Variants in PRDM6 observed in about 807,000 individuals in gnomAD.
PRDM6 encodes the protein putative histone-lysine N-methyltransferase PRDM6.
A neutral mutation model predicts 60.8 loss-of-function variants in PRDM6; 25 were observed. The observed-to-expected ratio is 0.41, with a 90% confidence interval of 0.30 to 0.57. PRDM6 has a LOEUF of 0.57. Among genes scored for constraint, PRDM6 ranks in the 20% least tolerant of loss-of-function variants. PRDM6 has a pLI of 0.27. For synonymous variants in PRDM6, 407 were observed against 357.4 expected, an observed-to-expected ratio of 1.14 and a Z score of -1.57; for missense variants, 839 against 821.3, an observed-to-expected ratio of 1.02 and a Z score of -0.26.
chr5:123,094,268 C>T (rs1763909415), intron 2 of PRDM6, among the ~76,000 whole-genome samples: 1 of 152,226 alleles, frequency 6.6e-6, no homozygotes, highest in African/African-American at 2.4e-5. Flanking sequence ...GTTTGGGCAA[C>T]TTCGAGCCCA....
intron 5 of PRDM6, among the ~76,000 whole-genome samples, chr5:123,164,295 G>C (rs557210571): frequency 8.5e-5 from 13 of 152,332 alleles, no homozygotes; most frequent in African/African-American, 3.1e-4. Context: ...CAGGCCTCTT[G>C]TGTACAGTGC....
rs1209852710 is a variant in PRDM6 at position 123,099,934 on chromosome 5, C to G, written c.873C>G (p.Ala291=). The change falls in exon 3 of 8, where the codon GCC becomes GCG. Residue 291 remains alanine, a synonymous_variant. Coordinates refer to ENST00000407847, the MANE Select transcript of PRDM6 (RefSeq NM_001136239.4). This position sits in a 1 kb window ranked among gnomAD's most constrained non-coding sequence, Gnocchi z 4.0. ...CCCCAGAGAAGGTGCAGGCAGGCGCCGTGAGGAACACGCAGCATCTCTGGG... is the reference window on the plus strand; with the variant it reads ...CCCCAGAGAAGGTGCAGGCAGGCGCGGTGAGGAACACGCAGCATCTCTGGG... ...LLPPEKVQAG[A]VRNTQHLWEI... is the part of the protein sequence containing the mutation. 1 of 1,532,658 alleles carries G rather than the reference C, an allele frequency of 6.5e-7. No homozygotes were observed. The allele number at this position is 1,532,658 out of a possible 1,614,324, so 94.9% of individuals were successfully genotyped here.
At position 123,090,250 on chromosome 5, in the gene PRDM6, C is replaced by T. The variant is rs1580468945; in HGVS notation, c.236C>T (p.Ala79Val). The T allele has an allele frequency of 1.3e-6, 2 of 1,487,286 alleles. No individual in the cohort carries two copies. Among genetic ancestry groups the T allele is most frequent in the Non-Finnish European group, 1.8e-6 (2 of 1,118,878 alleles). 92.1% of individuals were successfully genotyped at this position (1,487,286 alleles called of 1,614,324 possible). The part of the protein sequence containing the change: ...LRPRPASLSS[A>V]SSTPASSSTS... ...CCGCGGCCCGCCTCTCTCTCCTCCG[C>T]CTCGTCCACGCCGGCTTCCTCTTCC... Residue 79 changes from alanine (A) to valine (V), a missense_variant, in exon 2 of 8, where the codon GCC (alanine) becomes GTC (valine). Physicochemically the swap from Ala to Val is moderately conservative, Grantham distance 64. Coordinates refer to ENST00000407847, the MANE Select transcript of PRDM6 (RefSeq NM_001136239.4).
At position 123,193,938 on chromosome 5, in the gene PRDM6, A is replaced by T. The variant is rs919040173; in HGVS notation, c.*6737A>T. The T allele has an allele frequency of 1.1e-4, 16 of 152,198 alleles. No homozygotes were observed. The highest frequency in any genetic ancestry group is 3.6e-4 in the African/African-American group (15 of 41,452). The allele number at this position is 152,198 out of a possible 1,614,324, so 9.4% of individuals were successfully genotyped here. On this transcript the variant is annotated 3_prime_UTR_variant, in exon 8 of 8. Coordinates refer to ENST00000407847, the MANE Select transcript of PRDM6 (RefSeq NM_001136239.4). The stretch of plus-strand genomic sequence containing the variant: ...GCCTTTTGGAGTTTGGAAAGCTTAA[A>T]CAAGTCAGTTAAGAGAATGAGAAGA...
rs761942683 is a variant in PRDM6 at position 123,180,309 on chromosome 5, A to T, written c.1659A>T (p.Gly553=). 5.8e-6 allele frequency: 9 copies of T among 1,550,696 alleles called. No homozygotes were observed. In the South Asian group the frequency reaches 1.1e-4, roughly 18 times the overall value. The change falls in exon 7 of 8, where the codon GGA becomes GGT. Residue 553 remains glycine (G), a synonymous_variant. Coordinates refer to ENST00000407847, the MANE Select transcript of PRDM6 (RefSeq NM_001136239.4). ...TLNNHIRTHT[G]EKPFKCERCE... ...ACAACCACATCCGAACCCACACTGG[A>T]GAAAAGCCCTTCAAGTAAGTAGTGG...
intron 7 of PRDM6, among the ~76,000 whole-genome samples, chr5:123,184,807 A>C (rs534463431): frequency 3.0e-4 from 46 of 152,294 alleles, no homozygotes; most frequent in African/African-American, 1.0e-3. Context: ...TACTTCCTCA[A>C]ATATATAAAT....
At chr5:123,168,576 TG>T in intron 5 of PRDM6, among the ~76,000 whole-genome samples, 1 of 152,334 alleles carries the variant, frequency 6.6e-6, no homozygotes, top group Non-Finnish European at 1.5e-5. Flanking sequence ...TAGAAGCAGT[TG>T]GGAAACTTTA....
rs934463797 is a variant in PRDM6, at chr5:123,159,706, CT to C, written c.1153+75del. 5 of 1,469,796 alleles carry C rather than the reference CT, an allele frequency of 3.4e-6. No homozygotes were observed. In the Admixed American group the frequency reaches 6.2e-5, roughly 18 times the overall value. The allele number at this position is 1,469,796 out of a possible 1,614,324, so 91.0% of individuals were successfully genotyped here. On this transcript the variant is annotated intron_variant, in intron 5 of 7. Coordinates refer to ENST00000407847, the MANE Select transcript of PRDM6 (RefSeq NM_001136239.4). ...TATTTCAAAGCTAACTTTTTAAGAGCTTTTTTTGAAACTCATGAAACGTGGT... is the reference window on the plus strand; with the variant it reads ...TATTTCAAAGCTAACTTTTTAAGAGCTTTTTTGAAACTCATGAAACGTGGT...
intron 6 of PRDM6, among the ~76,000 whole-genome samples, chr5:123,173,134 T>C (rs1765932294): frequency 6.7e-6 from 1 of 149,606 alleles, no homozygotes; most frequent in East Asian, 2.0e-4. Flanking sequence ...GAGCTTGCAG[T>C]GAGCCGAGAT....
intron 3 of PRDM6, among the ~76,000 whole-genome samples, chr5:123,154,234 G>A (rs910253870): frequency 5.3e-5 from 8 of 152,168 alleles, no homozygotes; most frequent in Non-Finnish European, 7.3e-5. Context: ...TCATTAGATT[G>A]TTCATGTAGC....
intron 3 of PRDM6, among the ~76,000 whole-genome samples, chr5:123,147,339 T>C (rs1765268232): frequency 6.6e-6 from 1 of 151,258 alleles, no homozygotes; most frequent in Admixed American, 6.6e-5. Flanking sequence ...CATGCAAATA[T>C]TTCCAAGGTT....
chr5:123,185,682 GGT>G (rs1766271831), intron 7 of PRDM6, among the ~76,000 whole-genome samples: 1 of 152,208 alleles, frequency 6.6e-6, no homozygotes, highest in African/African-American at 2.4e-5. Flanking sequence ...ACACTCCGCT[GGT>G]GCAGGAGCCC....
Position 123,189,069 on chromosome 5 carries a change from A to C in PRDM6, c.*1868A>C, listed in dbSNP as rs1003456621. The C allele has an allele frequency of 1.3e-5, 2 of 152,172 alleles. No homozygotes were observed. Among genetic ancestry groups the C allele is most frequent in the African/African-American group, 4.8e-5 (2 of 41,426 alleles). The allele number at this position is 152,172 out of a possible 1,614,324, so 9.4% of individuals were successfully genotyped here. A position where few individuals can be genotyped will look rare whatever the true frequency, so the allele number is the denominator to read the frequency against. ...TCTCCTGGTCATGAAAGTAGTAAGG[A>C]ATCTATGCTGCTGTATAACAGTAGC... On this transcript the variant is annotated 3_prime_UTR_variant, in exon 8 of 8. Coordinates refer to ENST00000407847, the MANE Select transcript of PRDM6 (RefSeq NM_001136239.4).
intron 3 of PRDM6, among the ~76,000 whole-genome samples, chr5:123,125,328 G>A (rs1764671896): frequency 6.6e-6 from 1 of 152,084 alleles, no homozygotes; most frequent in Non-Finnish European, 1.5e-5. Context: ...CATTTAAATT[G>A]TGGCATCATA....
chr5:123,107,530 T>G lies in PRDM6; in HGVS notation c.900+7569T>G, dbSNP rs561264185. Among the ~76,000 whole-genome samples, 9 of 152,354 alleles carry G rather than the reference T, an allele frequency of 5.9e-5. No individual in the cohort carries two copies. In the South Asian group the frequency reaches 1.9e-3, roughly 32 times the overall value. On this transcript the variant is annotated intron_variant, in intron 3 of 7. Transcript: ENST00000407847. ...ATGCCACATGAATCTGCAGGGCTCT[T>G]TCCAATGAAAGCTAGCCATGTGGTT...
intron 3 of PRDM6, among the ~76,000 whole-genome samples, chr5:123,136,971 A>G (rs1764972126): frequency 6.6e-6 from 1 of 152,182 alleles, no homozygotes; most frequent in African/African-American, 2.4e-5. Flanking sequence ...TCCCAGCTAC[A>G]TCTCTTTCTA....
rs1450825072 is a variant in PRDM6 at position 123,099,378 on chromosome 5, G to A, written c.593-276G>A. Among the ~76,000 whole-genome samples the A allele has an allele frequency of 6.6e-6, 1 of 152,210 alleles. No individual in the cohort carries two copies. Among genetic ancestry groups the A allele is most frequent in the African/African-American group, 2.4e-5 (1 of 41,450 alleles). On this transcript the variant is annotated intron_variant, in intron 2 of 7. Transcript: ENST00000407847. The surrounding 1 kb of genome is among the most constrained non-coding windows in gnomAD (Gnocchi z 4.0). ...TGTCGGTTCCGTGGAGAGCGGACAT[G>A]CTATCTGCGCCCAGATCCGAAGGCT... is the stretch of plus-strand genomic sequence containing the variant.
chr5:123,192,265 A>G lies in PRDM6; in HGVS notation c.*5064A>G, dbSNP rs1050399923. On this transcript the variant is annotated 3_prime_UTR_variant, in exon 8 of 8. Transcript: ENST00000407847. ...TTAGTAACTCTATAACAAAGATACT[A>G]TCATTATCCCCTTCTCATATATGCT... 6.6e-6 allele frequency: 1 copy of G among 152,238 alleles called. No homozygotes were observed. The highest frequency in any genetic ancestry group is 2.1e-4 in the South Asian group (1 of 4,836). 9.4% of individuals were successfully genotyped at this position (152,238 alleles called of 1,614,324 possible).
At chr5:123,162,080 C>G (rs182784155) in intron 5 of PRDM6, among the ~76,000 whole-genome samples, 38 of 152,316 alleles carry the variant, frequency 2.5e-4, no homozygotes, top group Middle Eastern at 3.4e-3. Context: ...ACTTTGAGGC[C>G]TTTGGCCTGA....
Sources: gnomAD v4.1 joint callset for allele counts (sites outside exome capture counted in the v4.1 genomes callset) on GRCh38, gnomAD v4.1.1 for gene constraint, Gnocchi (gnomAD v3.1) non-coding constraint, MANE v1.5 for transcripts, NCBI Gene and HGNC (gene_info 2026-07-23, HGNC 2026-07-21) for gene names.